The following RSPO2 variants were observed in gnomAD, a reference collection of about 807,000 sequenced individuals.
RSPO2 encodes R-spondin 2.
In RSPO2, 14 loss-of-function variants were observed where a neutral mutation model predicts 30.9. The ratio of observed to expected loss-of-function variants is 0.45; its 90% CI spans 0.30 to 0.71. RSPO2 has a LOEUF of 0.71. Ranked by LOEUF, RSPO2 falls within the 30% of genes least tolerant of loss-of-function variation. The pLI is 0.08. For missense variants in RSPO2, 264 were observed against 301.9 expected (o/e 0.87, Z 0.93); for synonymous variants, 107 against 96.4 (o/e 1.11, Z -0.64).
chr8:107,984,429 C>T lies in RSPO2; in HGVS notation c.283+4627G>A, dbSNP rs368239677. Among the ~76,000 whole-genome samples, 3 of 151,964 alleles carry T rather than the reference C, an allele frequency of 2.0e-5. No homozygotes were observed. In the East Asian group the frequency reaches 5.8e-4, roughly 29 times the overall value. ...ATTAACTGTATGCACTTTGTTAATGCACATTTTGTTTGTTTAAGGTAAGAT... is the reference window on the plus strand; with the variant it reads ...ATTAACTGTATGCACTTTGTTAATGTACATTTTGTTTGTTTAAGGTAAGAT... On this transcript the variant is annotated intron_variant, in intron 3 of 5. Coordinates refer to ENST00000276659, the MANE Select transcript of RSPO2 (RefSeq NM_178565.5).
intron 2 of RSPO2, among the ~76,000 whole-genome samples, chr8:108,045,547 T>C (rs1563577166): frequency 6.6e-6 from 1 of 152,144 alleles, no homozygotes; most frequent in Non-Finnish European, 1.5e-5. Context: ...TCTCTGTTTA[T>C]TATATAATAT....
intron 5 of RSPO2, among the ~76,000 whole-genome samples, chr8:107,933,896 C>T (rs1812631082): frequency 6.6e-6 from 1 of 152,086 alleles, no homozygotes; most frequent in Non-Finnish European, 1.5e-5. Flanking sequence ...CTTGGACACT[C>T]ATCTTAAAAA....
intron 3 of RSPO2, among the ~76,000 whole-genome samples, chr8:107,987,224 A>G (rs568659788): frequency 1.0e-3 from 154 of 152,216 alleles, no homozygotes; most frequent in Non-Finnish European, 1.9e-3. Flanking sequence ...ATTACCCACA[A>G]AAAAAATCAT....
At chr8:108,016,162 A>G (rs1020312041) in intron 2 of RSPO2, among the ~76,000 whole-genome samples, 1 of 152,236 alleles carries the variant, frequency 6.6e-6, no homozygotes, top group African/African-American at 2.4e-5. Context: ...TCAACTGCAA[A>G]GCAGAATAAA....
Position 107,989,197 on chromosome 8 carries a change from T to C in RSPO2, c.142A>G (p.Lys48Glu). Reference sequence around the variant, plus strand: ...TGACATCGGCTACACCCATTGTCCTTTGAACAAGACAAACAACCCTTGCAA... The same window carrying C: ...TGACATCGGCTACACCCATTGTCCTCTGAACAAGACAAACAACCCTTGCAA... ...PICKGCLSCS[K>E]DNGCSRCQQK... The change falls in exon 3 of 6, where the codon AAG becomes GAG. Residue 48 changes from lysine (K) to glutamate (E), a missense_variant. Transcript: ENST00000276659. 1.9e-6 allele frequency: 3 copies of C among 1,599,806 alleles called. No individual in the cohort carries two copies. The highest frequency in any genetic ancestry group is 2.6e-6 in the Non-Finnish European group (3 of 1,175,830).
chr8:107,920,862 C>T (rs935289308), intron 5 of RSPO2, among the ~76,000 whole-genome samples: 11 of 152,010 alleles, frequency 7.2e-5, no homozygotes, highest in Admixed American at 1.3e-4. Context: ...GAAGTTAAAA[C>T]GTAAAGTAGA....
chr8:108,065,836 C>G (rs1022885567), intron 2 of RSPO2, among the ~76,000 whole-genome samples: 13 of 152,016 alleles, frequency 8.6e-5, no homozygotes, highest in South Asian at 2.1e-4. Flanking sequence ...TCAGTAGTTC[C>G]AGACCAGCCT....
chr8:108,008,503 A>G (rs1259794546), intron 2 of RSPO2, among the ~76,000 whole-genome samples: 2 of 152,166 alleles, frequency 1.3e-5, no homozygotes, highest in Admixed American at 6.5e-5. Flanking sequence ...CATCCAGCTC[A>G]CTCAACTCAT....
At chr8:108,066,487 G>A (rs1812671597) in intron 2 of RSPO2, among the ~76,000 whole-genome samples, 1 of 151,958 alleles carries the variant, frequency 6.6e-6, no homozygotes, top group Admixed American at 6.6e-5. Flanking sequence ...TGCTGTTGCA[G>A]TAAGCAGAAA....
chr8:107,938,257 A>T (rs1812781789), intron 5 of RSPO2, among the ~76,000 whole-genome samples: 1 of 152,046 alleles, frequency 6.6e-6, no homozygotes, highest in Non-Finnish European at 1.5e-5. Context: ...ACCCAGAAAT[A>T]CTCATGTAAT....
intron 2 of RSPO2, among the ~76,000 whole-genome samples, chr8:108,014,892 G>C (rs528946197): frequency 6.6e-6 from 1 of 151,352 alleles, no homozygotes; most frequent in African/African-American, 2.4e-5. Flanking sequence ...ATAAGTTAGG[G>C]ATGATGGAGC....
intron 2 of RSPO2, among the ~76,000 whole-genome samples, chr8:107,994,118 G>A (rs1173620688): frequency 6.6e-6 from 1 of 152,000 alleles, no homozygotes; most frequent in Non-Finnish European, 1.5e-5. Context: ...TAGTCAATTC[G>A]CTAAAGGGGT....
chr8:108,050,758 T>A (rs1236232210), intron 2 of RSPO2, among the ~76,000 whole-genome samples: 1 of 152,122 alleles, frequency 6.6e-6, no homozygotes, highest in Non-Finnish European at 1.5e-5. Context: ...CTCACCACCC[T>A]CCACGTTGGT....
intron 5 of RSPO2, among the ~76,000 whole-genome samples, chr8:107,951,356 A>G (rs1017539952): frequency 6.6e-6 from 1 of 152,080 alleles, no homozygotes; most frequent in Non-Finnish European, 1.5e-5. Flanking sequence ...CCAACTGAGA[A>G]TAAGTTGTTC....
At chr8:108,036,020 T>TTGC in intron 2 of RSPO2, among the ~76,000 whole-genome samples, 1 of 152,026 alleles carries the variant, frequency 6.6e-6, no homozygotes, top group African/African-American at 2.4e-5. Context: ...CCTCCAAGTA[T>TTGC]TAGACAGCAA....
At chr8:108,060,021 A>AG (rs1812399975) in intron 2 of RSPO2, among the ~76,000 whole-genome samples, 3 of 151,576 alleles carry the variant, frequency 2.0e-5, no homozygotes, top group African/African-American at 7.3e-5. Context: ...AATAAAATTA[A>AG]AAAAAAAGAG....
At chr8:108,039,082 C>T (rs1811679374) in intron 2 of RSPO2, among the ~76,000 whole-genome samples, 1 of 152,118 alleles carries the variant, frequency 6.6e-6, no homozygotes, top group South Asian at 2.1e-4. Context: ...GTGTATATGA[C>T]AACAAAACAA....
At chr8:107,990,672 T>C (rs915473332) in intron 2 of RSPO2, among the ~76,000 whole-genome samples, 2 of 152,132 alleles carry the variant, frequency 1.3e-5, no homozygotes, top group Admixed American at 6.5e-5. Flanking sequence ...TAAACTACCA[T>C]TGACATTTTT....
At chr8:108,043,023 A>G (rs1811803540) in intron 2 of RSPO2, among the ~76,000 whole-genome samples, 1 of 152,162 alleles carries the variant, frequency 6.6e-6, no homozygotes, top group Non-Finnish European at 1.5e-5. Context: ...TGAGTATACA[A>G]AAAAAACAAC....
Sources: gnomAD v4.1 joint callset for allele counts (sites outside exome capture counted in the v4.1 genomes callset) on GRCh38, gnomAD v4.1.1 for gene constraint, MANE v1.5 for transcripts, NCBI Gene and HGNC (gene_info 2026-07-23, HGNC 2026-07-21) for gene names.